The following EYS variants were observed in gnomAD, a reference collection of about 807,000 sequenced individuals.
EYS encodes EGF-like photoreceptor maintenance factor.
A neutral mutation model predicts 282.1 loss-of-function variants in EYS; 250 were observed. The observed-to-expected ratio is 0.89, with a 90% CI of 0.80 to 0.98. The LOEUF is 0.98. EYS is among the 50% of genes least tolerant of loss of function. The pLI is 0.00. For missense variants in EYS, 4,016 were observed against 3,709.0 expected (o/e 1.08, Z -2.15); for synonymous variants, 1,355 against 1,282.9 (o/e 1.06, Z -1.20).
intron 35 of EYS, among the ~76,000 whole-genome samples, chr6:63,970,342 A>T (rs1437139928): frequency 6.6e-6 from 1 of 152,126 alleles, no homozygotes; most frequent in Non-Finnish European, 1.5e-5. Flanking sequence ...AAGATAGAAG[A>T]TCTGTGGGAT....
chr6:65,476,508 A>G (rs1765409623), intron 5 of EYS, among the ~76,000 whole-genome samples: 1 of 152,184 alleles, frequency 6.6e-6, no homozygotes, highest in African/African-American at 2.4e-5. Context: ...TTTGAGTTCA[A>G]AATATATTAA....
intron 26 of EYS, among the ~76,000 whole-genome samples, chr6:64,452,067 T>G (rs143948881): frequency 4.5e-4 from 69 of 152,298 alleles, no homozygotes; most frequent in African/African-American, 1.5e-3. Flanking sequence ...GGAAGTCAAA[T>G]TGTCCCTGTT....
intron 26 of EYS, among the ~76,000 whole-genome samples, chr6:64,456,132 G>C (rs1775552838): frequency 6.6e-6 from 1 of 151,862 alleles, no homozygotes; most frequent in Non-Finnish European, 1.5e-5. Flanking sequence ...AACAAATTTG[G>C]TAACACAAAT....
At chr6:64,185,627 C>A (rs1435549315) in intron 31 of EYS, among the ~76,000 whole-genome samples, 5 of 152,126 alleles carry the variant, frequency 3.3e-5, no homozygotes, top group African/African-American at 1.2e-4. Context: ...TCAAAAAGAG[C>A]AGGTCTAATA....
intron 36 of EYS, among the ~76,000 whole-genome samples, chr6:63,827,865 AAAAAAAG>A (rs1241024491): frequency 6.7e-6 from 1 of 150,284 alleles, no homozygotes; most frequent in East Asian, 1.9e-4. Flanking sequence ...AAAAAAAAAA[AAAAAAAG>A]AAATTACATC....
chr6:65,477,759 T>A (rs944414282), intron 5 of EYS, among the ~76,000 whole-genome samples: 1 of 152,176 alleles, frequency 6.6e-6, no homozygotes, highest in Non-Finnish European at 1.5e-5. Flanking sequence ...TGGCCATTTG[T>A]AGCAAATCAT....
intron 12 of EYS, among the ~76,000 whole-genome samples, chr6:65,102,562 C>T (rs1450519597): frequency 1.3e-5 from 2 of 150,812 alleles, no homozygotes; most frequent in African/African-American, 4.9e-5. Flanking sequence ...AAATATACTT[C>T]AATGTCCTAA....
chr6:64,158,542 A>G (rs1263163010), intron 31 of EYS, among the ~76,000 whole-genome samples: 2 of 151,810 alleles, frequency 1.3e-5, no homozygotes, highest in Non-Finnish European at 2.9e-5. Context: ...TTCCCTTCTC[A>G]CTCTCTCCCA....
At chr6:65,556,966 T>C (rs1015086892) in intron 2 of EYS, among the ~76,000 whole-genome samples, 2 of 152,234 alleles carry the variant, frequency 1.3e-5, no homozygotes, top group East Asian at 3.8e-4. Flanking sequence ...CAGTATATGG[T>C]AATAATATAT....
rs201196142 is a variant in EYS, at chr6:65,515,142, A to G, written c.-332-19149T>C. ...AAAAGTGGGCAAAGGACATGAACAG[A>G]CACTTCTCAAAAGAAGACATTTATC... is the stretch of plus-strand genomic sequence containing the variant. On this transcript the variant is annotated intron_variant, in intron 2 of 42. Transcript: ENST00000503581. Among the ~76,000 whole-genome samples, 5 of 152,186 alleles carry G rather than the reference A, an allele frequency of 3.3e-5. No individual in the cohort carries two copies. In the East Asian group the frequency reaches 9.6e-4, roughly 29 times the overall value.
chr6:64,157,191 A>G (rs1774956532), intron 31 of EYS, among the ~76,000 whole-genome samples: 1 of 151,762 alleles, frequency 6.6e-6, no homozygotes, highest in South Asian at 2.1e-4. Context: ...ATGATTTCCA[A>G]TTTCATCCAT....
chr6:65,405,609 A>G (rs1313481129), intron 5 of EYS, among the ~76,000 whole-genome samples: 2 of 152,072 alleles, frequency 1.3e-5, no homozygotes, highest in Non-Finnish European at 2.9e-5. Flanking sequence ...GCACAATTCC[A>G]TTACCCAAAG....
chr6:65,583,794 T>C (rs1023874519), intron 2 of EYS, among the ~76,000 whole-genome samples: 1 of 152,052 alleles, frequency 6.6e-6, no homozygotes. Context: ...TGCATTTATA[T>C]TCACAGTTTA....
chr6:64,590,454 G>C lies in EYS; in HGVS notation c.5413C>G (p.Gln1805Glu). The C allele has an allele frequency of 6.4e-7, 1 of 1,551,364 alleles. No individual in the cohort carries two copies. The highest frequency in any genetic ancestry group is 2.4e-5 in the East Asian group (1 of 40,910). ...ATTACAGACATGGAGGAAGACGTCT[G>C]TATTGAAAGTGCTGGAGTTGCTGAA... ...TVSATPALSIQTSSSMSVIRP... is the reference protein window; with the variant it reads ...TVSATPALSIETSSSMSVIRP... Residue 1805 changes from glutamine to glutamate, a missense_variant, in exon 26 of 43, where the codon CAG (glutamine) becomes GAG (glutamate). Coordinates refer to ENST00000503581, the MANE Select transcript of EYS (RefSeq NM_001142800.2).
At chr6:65,185,013 T>A (rs1335054015) in intron 12 of EYS, among the ~76,000 whole-genome samples, 2 of 149,462 alleles carry the variant, frequency 1.3e-5, no homozygotes, top group Non-Finnish European at 3.0e-5. Flanking sequence ...GAAATTTTCA[T>A]ACATATTGTA....
At chr6:64,233,681 C>T (rs917763047) in intron 30 of EYS, among the ~76,000 whole-genome samples, 2 of 152,140 alleles carry the variant, frequency 1.3e-5, no homozygotes, top group South Asian at 2.1e-4. Flanking sequence ...CAGTGACAAA[C>T]CAGCCATTAT....
At chr6:63,830,105 A>T (rs1771586423) in intron 36 of EYS, among the ~76,000 whole-genome samples, 1 of 152,204 alleles carries the variant, frequency 6.6e-6, no homozygotes, top group Admixed American at 6.5e-5. Context: ...AACCACAAAG[A>T]TGGGGAGAAA....
chr6:64,329,126 G>T (rs760501000), intron 29 of EYS, among the ~76,000 whole-genome samples: 6 of 152,108 alleles, frequency 3.9e-5, no homozygotes, highest in Non-Finnish European at 8.8e-5. Flanking sequence ...TCTCAATGGA[G>T]GTAGGAGGCT....
chr6:64,046,136 A>ACATATATGTAT (rs1770617069), intron 33 of EYS, among the ~76,000 whole-genome samples: 1 of 149,544 alleles, frequency 6.7e-6, no homozygotes, highest in African/African-American at 2.4e-5. Flanking sequence ...TACGTTAGAA[A>ACATATATGTAT]TATATTTTAC....
Sources: gnomAD v4.1 joint callset for allele counts (sites outside exome capture counted in the v4.1 genomes callset) on GRCh38, gnomAD v4.1.1 for gene constraint, MANE v1.5 for transcripts, NCBI Gene and HGNC (gene_info 2026-07-23, HGNC 2026-07-21) for gene names.